DMD: variants seen among roughly 807,000 people sequenced by gnomAD.
DMD encodes the protein dystrophin.
In DMD, 63 loss-of-function variants were observed where a neutral mutation model predicts 330.1. That is an observed-to-expected ratio of 0.19 (90% CI 0.16 to 0.24). The LOEUF is 0.24. Ranked by LOEUF, DMD falls within the 10% of genes least tolerant of loss-of-function variation. DMD has a pLI of 1.00. For synonymous variants in DMD, 1,223 were observed against 959.8 expected, an observed-to-expected ratio of 1.27 and a Z score of -5.07; for missense variants, 3,344 against 2,684.1, an observed-to-expected ratio of 1.25 and a Z score of -5.43.
In DMD at chrX:31,858,402, A is replaced by C. The variant is rs778793035; in HGVS notation, c.7098+16786T>G. ...CTTAAAACCCTTCAGAATGTTACAT[A>C]GTTTTGTTAGAGACATGCATCTTTA... On this transcript the variant is annotated intron_variant, in intron 48 of 78. Transcript: ENST00000357033. 2.7e-3 allele frequency among the ~76,000 whole-genome samples: 295 copies of C among 111,179 alleles called. 1 individual carries two copies. The highest frequency in any genetic ancestry group is 8.8e-3 in the African/African-American group (270 of 30,730).
intron 50 of DMD, among the ~76,000 whole-genome samples, chrX:31,811,437 A>T (rs538793698): frequency 8.0e-5 from 9 of 112,135 alleles, no homozygotes; most frequent in Middle Eastern, 4.6e-3. Context: ...CTACAGTGTG[A>T]CACATCTCAT....
At chrX:32,401,530 G>A (rs1361104027) in intron 30 of DMD, among the ~76,000 whole-genome samples, 1 of 111,151 alleles carries the variant, frequency 9.0e-6, no homozygotes, top group African/African-American at 3.3e-5. Context: ...TTGAACTATG[G>A]AGATAGAGAG....
chrX:33,253,843 A>G (rs959624640), intron 1 of DMD, among the ~76,000 whole-genome samples: 1 of 111,026 alleles, frequency 9.0e-6, no homozygotes, highest in Non-Finnish European at 1.9e-5. Context: ...TTAGTTATCA[A>G]TTTTTGTTAT....
intron 55 of DMD, among the ~76,000 whole-genome samples, chrX:31,512,338 A>C (rs1277902229): frequency 9.4e-6 from 1 of 106,304 alleles, no homozygotes; most frequent in African/African-American, 3.4e-5. Flanking sequence ...CTTTAGTTTA[A>C]TTAGATCCCA....
At chrX:32,977,484 T>C (rs908183261) in intron 2 of DMD, among the ~76,000 whole-genome samples, 1 of 110,223 alleles carries the variant, frequency 9.1e-6, no homozygotes, top group African/African-American at 3.3e-5. Context: ...CCTTCACAAT[T>C]AGAAACTAAA....
rs751712497 is a variant in DMD at position 32,494,375 on chromosome X, C to T, written c.2381-2857G>A. 2.3e-4 allele frequency among the ~76,000 whole-genome samples: 26 copies of T among 110,894 alleles called. 2 individuals carry two copies. The highest frequency in any genetic ancestry group is 1.8e-3 in the Admixed American group (19 of 10,331). On this transcript the variant is annotated intron_variant, in intron 19 of 78. Coordinates refer to ENST00000357033, the MANE Select transcript of DMD (RefSeq NM_004006.3). ...GAAAATGCAGTGATAGGTAAAAGAA[C>T]GACATCTATAATAGCAAAAAGGGGG...
intron 4 of DMD, among the ~76,000 whole-genome samples, chrX:32,826,917 A>G (rs2078738223): frequency 9.0e-6 from 1 of 111,089 alleles, no homozygotes; most frequent in Admixed American, 9.7e-5. Flanking sequence ...CACAACATCT[A>G]GATATTTTAA....
intron 2 of DMD, among the ~76,000 whole-genome samples, chrX:33,016,027 G>C (rs2093795792): frequency 9.0e-6 from 1 of 110,710 alleles, no homozygotes; most frequent in Non-Finnish European, 1.9e-5. Flanking sequence ...CCCACCAAGA[G>C]TTTTGCCCAG....
intron 5 of DMD, 32 bp downstream of exon 5, chrX:32,823,263 C>G (rs767042001): frequency 9.0e-7 from 1 of 1,105,922 alleles, no homozygotes; most frequent in South Asian, 1.8e-5. Flanking sequence ...ATTAATGTTA[C>G]CCAAAAGGAA....
At chrX:33,059,584 G>T (rs764783631) in intron 1 of DMD, among the ~76,000 whole-genome samples, 10 of 111,277 alleles carry the variant, frequency 9.0e-5, no homozygotes, top group South Asian at 7.6e-4. Flanking sequence ...GGGAACCCTG[G>T]GGTTGTTAAT....
intron 7 of DMD, among the ~76,000 whole-genome samples, chrX:32,776,839 G>A (rs899705523): frequency 1.8e-5 from 2 of 111,815 alleles, no homozygotes; most frequent in Non-Finnish European, 3.8e-5. Context: ...AACCACTGAT[G>A]TTCTCAAATG....
intron 54 of DMD, among the ~76,000 whole-genome samples, chrX:31,636,398 A>G (rs2079420405): frequency 8.9e-6 from 1 of 112,085 alleles, no homozygotes; most frequent in Non-Finnish European, 1.9e-5. Context: ...AGTATTTTAC[A>G]CTAAAATAAT....
intron 7 of DMD, among the ~76,000 whole-genome samples, chrX:32,777,538 C>G (rs1165671525): frequency 9.1e-6 from 1 of 110,455 alleles, no homozygotes; most frequent in Non-Finnish European, 1.9e-5. Context: ...ATGCTTCCTT[C>G]AGATGGGGTG....
chrX:31,598,290 T>A (rs751937609), intron 55 of DMD, among the ~76,000 whole-genome samples: 76 of 110,758 alleles, frequency 6.9e-4, no homozygotes, highest in African/African-American at 1.7e-3. Flanking sequence ...AACTATTTTT[T>A]AAAAAATTTT....
At chrX:32,897,358 T>A (rs1336082267) in intron 2 of DMD, among the ~76,000 whole-genome samples, 3 of 109,386 alleles carry the variant, frequency 2.7e-5, no homozygotes, top group Non-Finnish European at 5.7e-5. Flanking sequence ...TAAGGAGGAG[T>A]AGAGAATGAA....
chrX:31,932,298 T>C, intron 45 of DMD, 71 bp from the exon 46 acceptor site: 2 of 828,065 alleles, frequency 2.4e-6, no homozygotes, highest in Admixed American at 2.5e-5. Flanking sequence ...TAATGCAAAC[T>C]GGGACACAAA....
intron 63 of DMD, among the ~76,000 whole-genome samples, chrX:31,251,936 A>G (rs1232478970): frequency 1.8e-5 from 2 of 112,402 alleles, no homozygotes; most frequent in African/African-American, 6.5e-5. Context: ...AAAACTGTAA[A>G]CCAGTCAAAG....
chrX:32,455,149 G>C (rs979703363), intron 25 of DMD, among the ~76,000 whole-genome samples: 5 of 111,114 alleles, frequency 4.5e-5, no homozygotes, highest in Non-Finnish European at 5.7e-5. Flanking sequence ...ATATGTTTCA[G>C]TTGGAAAAGT....
intron 55 of DMD, among the ~76,000 whole-genome samples, chrX:31,529,897 T>TAAAA (rs369803858): frequency 3.3e-4 from 33 of 98,609 alleles, no homozygotes; most frequent in African/African-American, 1.0e-3. Context: ...AAGATTTCTT[T>TAAAA]AAAAAAAAAA....
Sources: gnomAD v4.1 joint callset for allele counts (sites outside exome capture counted in the v4.1 genomes callset) on GRCh38, gnomAD v4.1.1 for gene constraint, MANE v1.5 for transcripts, NCBI Gene and HGNC (gene_info 2026-07-23, HGNC 2026-07-21) for gene names.